The following TLL2 variants were observed in gnomAD, a reference collection of about 807,000 sequenced individuals.
The protein encoded by TLL2 is tolloid like 2.
In TLL2, 106 loss-of-function variants were observed where a neutral mutation model predicts 123.0. The observed-to-expected ratio is 0.86, with a 90% CI of 0.74 to 1.01. The LOEUF is 1.01. Among genes scored for constraint, TLL2 ranks in the 50% least tolerant of loss-of-function variants. The pLI is 0.00. For synonymous variants in TLL2, 494 were observed against 516.8 expected (o/e 0.96, Z 0.60); for missense variants, 1,332 against 1,336.7 (o/e 1.00, Z 0.06).
In TLL2 at chr10:96,370,188, G is replaced by A. The variant is rs756950589; in HGVS notation, c.2790C>T (p.Gly930=). 40 of 1,613,986 alleles carry A rather than the reference G, an allele frequency of 2.5e-5. No individual in the cohort carries two copies. Among genetic ancestry groups the A allele is most frequent in the African/African-American group, 4.0e-5 (3 of 74,940 alleles). Residue 930 remains glycine, a synonymous_variant, in exon 20 of 21, where the codon GGC becomes GGT. Coordinates refer to ENST00000357947, the MANE Select transcript of TLL2 (RefSeq NM_012465.4). The part of the protein sequence containing the change: ...DWVIVAEDGY[G]VELTFRTFEV... ...CAAAGGTCCGGAATGTCAGCTCCAC[G>A]CCGTAGCCGTCCTCTGCCACGATCA...
chr10:96,489,380 T>G (rs1037543318), intron 1 of TLL2, among the ~76,000 whole-genome samples: 1 of 151,886 alleles, frequency 6.6e-6, no homozygotes, highest in Non-Finnish European at 1.5e-5. Flanking sequence ...AATCAAAACA[T>G]TAGCTGGGCA....
chr10:96,395,812 A>C, intron 12 of TLL2, 63 bp downstream of exon 12: 1 of 1,592,584 alleles, frequency 6.3e-7, no homozygotes, highest in South Asian at 1.1e-5. Flanking sequence ...CCATCTTTAC[A>C]GAGTGGAGGA....
At chr10:96,387,415 T>C (rs1846246739) in intron 13 of TLL2, among the ~76,000 whole-genome samples, 1 of 152,196 alleles carries the variant, frequency 6.6e-6, no homozygotes, top group South Asian at 2.1e-4. Flanking sequence ...AAAGACTTCA[T>C]CCATTTTAAA....
chr10:96,422,146 A>G (rs1484602975), intron 6 of TLL2, among the ~76,000 whole-genome samples: 4 of 151,798 alleles, frequency 2.6e-5, no homozygotes, highest in South Asian at 4.1e-4. Flanking sequence ...ATTGTATTTC[A>G]GTTTCAGAAA....
At chr10:96,495,836 G>T (rs1168820265) in intron 1 of TLL2, among the ~76,000 whole-genome samples, 1 of 152,132 alleles carries the variant, frequency 6.6e-6, no homozygotes, top group African/African-American at 2.4e-5. Context: ...TGGGGAGATG[G>T]CCTTCTCCAG....
intron 2 of TLL2, among the ~76,000 whole-genome samples, chr10:96,456,007 C>T (rs1736662691): frequency 1.3e-5 from 2 of 152,156 alleles, no homozygotes; most frequent in Non-Finnish European, 2.9e-5. Context: ...TGCTTGCTAC[C>T]TTATGAGCAT....
At chr10:96,411,521 T>C (rs779227968) in intron 8 of TLL2, among the ~76,000 whole-genome samples, 8 of 152,216 alleles carry the variant, frequency 5.3e-5, no homozygotes, top group Non-Finnish European at 1.2e-4. Context: ...TCTTTATGTA[T>C]GTGAAAAGTA....
intron 7 of TLL2, among the ~76,000 whole-genome samples, chr10:96,415,739 G>GTC (rs142401265): frequency 7.5e-4 from 21 of 28,056 alleles, no homozygotes; most frequent in South Asian, 1.4e-3. Flanking sequence ...GTCTCTCTCT[G>GTC]TCTCTCTCTC....
At chr10:96,433,905 A>G (rs1351276439) in intron 3 of TLL2, among the ~76,000 whole-genome samples, 2 of 152,044 alleles carry the variant, frequency 1.3e-5, no homozygotes, top group African/African-American at 2.4e-5. Flanking sequence ...CCTCCCGAGT[A>G]GTTGGTATAA....
chr10:96,476,240 A>ATATATATATATATATATATATATATATAT, intron 2 of TLL2, among the ~76,000 whole-genome samples: 1 of 20,502 alleles, frequency 4.9e-5, no homozygotes, highest in Non-Finnish European at 1.0e-4. Flanking sequence ...ATATATATAT[A>ATATATATATATATATATATATATATATAT]TTTTATTTTT....
At position 96,472,744 on chromosome 10, in the gene TLL2, C is replaced by CTTTTT. The variant is rs1847196484; in HGVS notation, c.286+7604_286+7605insAAAAA. 4.0e-5 allele frequency among the ~76,000 whole-genome samples: 6 copies of CTTTTT among 151,716 alleles called. 2 individuals carry two copies. The South Asian group carries it at 1.2e-3, about 32-fold the overall frequency. On this transcript the variant is annotated intron_variant, in intron 2 of 20. Transcript: ENST00000357947. ...CCAGCCTGAGTGACACAGCAAAATC[C>CTTTTT]TGTCTCAAAAAAAAGAAAAAAAGAA...
At chr10:96,491,062 A>C (rs1370830734) in intron 1 of TLL2, among the ~76,000 whole-genome samples, 2 of 152,156 alleles carry the variant, frequency 1.3e-5, no homozygotes, top group Non-Finnish European at 2.9e-5. Flanking sequence ...TAGAGCTTGA[A>C]CATATGGGCC....
At chr10:96,436,282 T>C (rs566357252) in intron 3 of TLL2, among the ~76,000 whole-genome samples, 2 of 152,374 alleles carry the variant, frequency 1.3e-5, no homozygotes, top group Admixed American at 1.3e-4. Context: ...TGGCTAGCCC[T>C]TGCTCTAAAG....
In TLL2 at chr10:96,513,582, T is replaced by C; in HGVS notation, c.104A>G (p.Asp35Gly). 1 of 1,609,036 alleles carries C rather than the reference T, an allele frequency of 6.2e-7. No individual in the cohort carries two copies. The highest frequency in any genetic ancestry group is 8.5e-7 in the Non-Finnish European group (1 of 1,179,382). The change falls in exon 1 of 21, where the codon GAC becomes GGC. Residue 35 changes from aspartate (D) to glycine (G), a missense_variant. Transcript: ENST00000357947. ...CTCCTCGCCGTCCAGCTCTGAGTAG[T>C]CTGCGGTGGCGTCCGGGCGCTCCCC... ...GLGERPDATA[D>G]YSELDGEEGT...
intron 13 of TLL2, among the ~76,000 whole-genome samples, chr10:96,393,730 CTTTTTTTTCTT>C (rs766324300): frequency 1.4e-5 from 2 of 138,052 alleles, no homozygotes; most frequent in Admixed American, 6.9e-5. Flanking sequence ...CTTTTTTTTT[CTTTTTTTTCTT>C]TTTTTTTTTG....
intron 4 of TLL2, 33 bp from the exon 5 acceptor site, chr10:96,428,781 G>T: frequency 1.5e-6 from 2 of 1,374,626 alleles, no homozygotes; most frequent in Non-Finnish European, 2.0e-6. Context: ...CGACTTCAAT[G>T]ATGGGTCCAT....
Position 96,420,979 on chromosome 10 carries a change from G to A in TLL2, c.900C>T (p.His300=), listed in dbSNP as rs754329356. Residue 300 remains histidine (H), a synonymous_variant, in exon 7 of 21, where the codon CAC becomes CAT. Transcript: ENST00000357947. ...ACCTTGAGAAGGTGTTCCGGGCGTAGTGCATGATGCTGTCAAAGTCGTATG... is the reference window on the plus strand; with the variant it reads ...ACCTTGAGAAGGTGTTCCGGGCGTAATGCATGATGCTGTCAAAGTCGTATG... The part of the protein sequence containing the change: ...GETYDFDSIM[H]YARNTFSRGV... 1.2e-6 allele frequency: 2 copies of A among 1,614,118 alleles called. No homozygotes were observed. Among genetic ancestry groups the A allele is most frequent in the East Asian group, 2.2e-5 (1 of 44,882 alleles).
At chr10:96,454,300 G>A (rs1341592937) in intron 2 of TLL2, among the ~76,000 whole-genome samples, 1 of 152,226 alleles carries the variant, frequency 6.6e-6, no homozygotes, top group East Asian at 1.9e-4. Flanking sequence ...CTCTAGTCAA[G>A]ATCACTGGCT....
Position 96,413,241 on chromosome 10 carries a change from C to T in TLL2, c.999G>A (p.Arg333=), listed in dbSNP as rs763024209. ...GVRPTIGQRV[R]LSQGDIAQAR... ...CTTGAGCTATGTCTCCCTGACTGAG[C>T]CGCACGCGCTGGCCAATGGTTGGCC... Residue 333 remains arginine (R), a synonymous_variant, in exon 8 of 21, where the codon CGG becomes CGA. Coordinates refer to ENST00000357947, the MANE Select transcript of TLL2 (RefSeq NM_012465.4). 2.2e-5 allele frequency: 35 copies of T among 1,614,036 alleles called. No individual in the cohort carries two copies. The highest frequency in any genetic ancestry group is 3.0e-5 in the Non-Finnish European group (35 of 1,180,006).
Sources: allele counts gnomAD v4.1 joint callset (sites outside exome capture counted in the v4.1 genomes callset), GRCh38; gene constraint gnomAD v4.1.1; transcripts MANE v1.5; gene names NCBI Gene and HGNC (gene_info 2026-07-23, HGNC 2026-07-21).